The following GNB1L variants were observed in gnomAD, a reference collection of about 807,000 sequenced individuals.
GNB1L encodes guanine nucleotide-binding protein subunit beta-like protein 1.
In GNB1L, 20 loss-of-function variants were observed where a neutral mutation model predicts 29.1. The ratio of observed to expected loss-of-function variants is 0.69; its 90% CI spans 0.48 to 1.00. The LOEUF is 1.00. Among genes scored for constraint, GNB1L ranks in the 50% least tolerant of loss-of-function variants. The pLI is 0.00. For synonymous variants in GNB1L, 193 were observed against 206.5 expected, an observed-to-expected ratio of 0.93 and a Z score of 0.56; for missense variants, 421 against 464.9, an observed-to-expected ratio of 0.91 and a Z score of 0.87.
At chr22:19,850,035 CG>C (rs1938057217) in intron 2 of GNB1L, 1 of 985,900 alleles carries the variant, frequency 1.0e-6, no homozygotes, top group Middle Eastern at 5.2e-4. Context: ...CTACAGCTCT[CG>C]GAAGTCAGTT....
At position 19,788,722 on chromosome 22, in the gene GNB1L, TAG is replaced by T. The variant is rs142881986; in HGVS notation, c.969_970del (p.Tyr324ProfsTer112). On this transcript the variant is annotated frameshift_variant, in exon 8 of 8. Transcript: ENST00000329517. LOFTEE classifies it high-confidence loss of function. Reference sequence around the variant, plus strand: ...GGAGTGGGTGAGTCATGCGCGTGGGTAGAGTGACCAGAGGCTGATCCGCTGAT... The same window carrying T: ...GGAGTGGGTGAGTCATGCGCGTGGGTAGTGACCAGAGGCTGATCCGCTGAT... 2 of 1,611,162 alleles carry T rather than the reference TAG, an allele frequency of 1.2e-6. No individual in the cohort carries two copies. Among genetic ancestry groups the T allele is most frequent in the African/African-American group, 2.7e-5 (2 of 74,980 alleles).
chr22:19,814,640 G>A (rs960814418), intron 4 of GNB1L, among the ~76,000 whole-genome samples: 3 of 152,192 alleles, frequency 2.0e-5, no homozygotes, highest in African/African-American at 7.2e-5. Context: ...GACAGGATGA[G>A]AAACCTCACT....
chr22:19,811,370 G>T (rs1937498582), intron 5 of GNB1L, among the ~76,000 whole-genome samples: 4 of 152,124 alleles, frequency 2.6e-5, no homozygotes, highest in Admixed American at 6.5e-5. Flanking sequence ...CCCCACGTGT[G>T]CGCCCCCTAT....
At chr22:19,830,318 T>A (rs1937662090) in intron 2 of GNB1L, among the ~76,000 whole-genome samples, 1 of 151,988 alleles carries the variant, frequency 6.6e-6, no homozygotes, top group Non-Finnish European at 1.5e-5. Flanking sequence ...AAACTTCAAC[T>A]GGTAGCAGGA....
chr22:19,811,310 G>A (rs950093998), intron 5 of GNB1L, among the ~76,000 whole-genome samples: 2 of 152,156 alleles, frequency 1.3e-5, no homozygotes, highest in African/African-American at 4.8e-5. Flanking sequence ...CCCAAAGACT[G>A]CCCGGGCACA....
chr22:19,852,343 A>G, intron 2 of GNB1L: 1 of 1,455,178 alleles, frequency 6.9e-7, no homozygotes, highest in Non-Finnish European at 9.4e-7. Flanking sequence ...GCACGACACA[A>G]CAGGACAGGG....
intron 7 of GNB1L, among the ~76,000 whole-genome samples, chr22:19,789,457 C>A (rs1184031987): frequency 6.6e-6 from 1 of 152,028 alleles, no homozygotes; most frequent in Non-Finnish European, 1.5e-5. Context: ...CCAAGCTCGA[C>A]AGGGCTGGGA....
At chr22:19,802,910 A>G (rs920332618) in intron 6 of GNB1L, among the ~76,000 whole-genome samples, 1 of 152,214 alleles carries the variant, frequency 6.6e-6, no homozygotes, top group Admixed American at 6.5e-5. Flanking sequence ...GGAGGAGAGC[A>G]CTGCAGGATT....
chr22:19,842,861 A>T (rs1937885649), intron 2 of GNB1L, among the ~76,000 whole-genome samples: 5 of 152,230 alleles, frequency 3.3e-5, no homozygotes. Flanking sequence ...CACAGCAGCC[A>T]CAGCCCTGGC....
intron 5 of GNB1L, among the ~76,000 whole-genome samples, chr22:19,811,511 C>A (rs866797436): frequency 6.6e-6 from 1 of 152,160 alleles, no homozygotes; most frequent in Non-Finnish European, 1.5e-5. Flanking sequence ...TCCAGCCACA[C>A]CCTCCTCCAC....
At chr22:19,849,956 C>G in intron 2 of GNB1L, 1 of 985,516 alleles carries the variant, frequency 1.0e-6, no homozygotes, top group Non-Finnish European at 1.2e-6. Flanking sequence ...TGGAACAGGT[C>G]TTTCTTCATT....
At chr22:19,792,682 C>A in intron 7 of GNB1L, 2 of 1,457,008 alleles carry the variant, frequency 1.4e-6, no homozygotes, top group Non-Finnish European at 1.9e-6. Flanking sequence ...GACGTCCCCA[C>A]CAAGAGACCA....
At chr22:19,817,086 C>A (rs1003074054) in intron 4 of GNB1L, among the ~76,000 whole-genome samples, 1 of 152,200 alleles carries the variant, frequency 6.6e-6, no homozygotes, top group Non-Finnish European at 1.5e-5. Context: ...AGAGGTCTCT[C>A]GGACCTCGGT....
intron 7 of GNB1L, 110 bp from the exon 8 acceptor site, chr22:19,789,070 G>A (rs5993831): frequency 1.9e-5 from 22 of 1,163,986 alleles, no homozygotes; most frequent in African/African-American, 1.5e-4. Flanking sequence ...CCACAGGCCC[G>A]GGATGTGAGG....
chr22:19,810,639 G>A (rs1011893987), intron 5 of GNB1L, among the ~76,000 whole-genome samples: 2 of 152,156 alleles, frequency 1.3e-5, no homozygotes, highest in Admixed American at 6.5e-5. Context: ...GCACCTGACT[G>A]CAACTTTTGT....
At chr22:19,844,118 G>A (rs140319062) in intron 2 of GNB1L, among the ~76,000 whole-genome samples, 15 of 152,302 alleles carry the variant, frequency 9.8e-5, no homozygotes, top group African/African-American at 2.2e-4. Context: ...GGCCCAGCAC[G>A]GTGCCTACAT....
At chr22:19,818,775 G>A (rs943658377) in intron 4 of GNB1L, among the ~76,000 whole-genome samples, 8 of 152,212 alleles carry the variant, frequency 5.3e-5, no homozygotes, top group Non-Finnish European at 1.0e-4. Context: ...TCCCAGGACA[G>A]CAGCAGGCCC....
rs182297029 is a variant in GNB1L at position 19,794,503 on chromosome 22, A to G, written c.733-5543T>C. ...TAGCTAAGAAGCCAAGAGAGGAAAC[A>G]AAACCGAATACTAAAAAATAAATAT... On this transcript the variant is annotated intron_variant, in intron 7 of 7. Transcript: ENST00000329517. 1.1e-3 allele frequency among the ~76,000 whole-genome samples: 175 copies of G among 152,350 alleles called. 1 individual carries two copies. Among genetic ancestry groups the G allele is most frequent in the South Asian group, 8.3e-4 (4 of 4,824 alleles).
chr22:19,824,824 A>C (rs1937606830), intron 2 of GNB1L, among the ~76,000 whole-genome samples: 1 of 152,204 alleles, frequency 6.6e-6, no homozygotes, highest in Non-Finnish European at 1.5e-5. Flanking sequence ...CTACAGATGA[A>C]GCAGGGCTGC....
Sources: gnomAD v4.1 joint callset for allele counts (sites outside exome capture counted in the v4.1 genomes callset) on GRCh38, gnomAD v4.1.1 for gene constraint, MANE v1.5 for transcripts, NCBI Gene and HGNC (gene_info 2026-07-23, HGNC 2026-07-21) for gene names.